Variants in RABL2B observed in about 807,000 individuals in gnomAD.
The protein encoded by RABL2B is rab-like protein 2B.
RABL2B carries 17 observed loss-of-function variants against 26.7 expected under a neutral mutation model. The observed-to-expected ratio is 0.64, with a 90% CI of 0.44 to 0.95. The LOEUF is 0.95. Ranked by LOEUF, RABL2B falls within the 40% of genes least tolerant of loss-of-function variation. The probability of loss-of-function intolerance (pLI) is 0.00; values close to 1 mark genes in which losing one functional copy is unlikely to be tolerated. For missense variants in RABL2B, 170 were observed against 277.2 expected, an observed-to-expected ratio of 0.61 and a Z score of 2.75; for synonymous variants, 70 against 103.9, an observed-to-expected ratio of 0.67 and a Z score of 1.99.
At chr22:50,779,970 G>C (rs1555927304) in intron 2 of RABL2B, among the ~76,000 whole-genome samples, 1 of 152,156 alleles carries the variant, frequency 6.6e-6, no homozygotes, top group Non-Finnish European at 1.5e-5. Context: ...GACAGAGCAA[G>C]ACTCTGTCTC....
At chr22:50,773,736 T>G (rs1374668957) in intron 5 of RABL2B, among the ~76,000 whole-genome samples, 1 of 151,358 alleles carries the variant, frequency 6.6e-6, no homozygotes, top group Non-Finnish European at 1.5e-5. Context: ...CAGCTCCTTC[T>G]GCATCCCCTC....
intron 5 of RABL2B, chr22:50,772,005 T>G (rs2084263177): frequency 6.6e-6 from 1 of 152,176 alleles, no homozygotes; most frequent in Non-Finnish European, 1.5e-5. Flanking sequence ...TATTTTTATT[T>G]ATTTATGTAT....
rs781802224 is a variant in RABL2B, at chr22:50,768,791, G to A, written c.675C>T (p.Ala225=). The A allele has an allele frequency of 6.2e-6, 10 of 1,613,908 alleles. No individual in the cohort carries two copies. In the South Asian group the frequency reaches 8.8e-5, roughly 14 times the overall value. ...CCCCAGCCCCTCAGCTGTGGGGAGA[G>A]GCCGCCTCCTCTGATGGGGTCTCGA... The part of the protein sequence containing the change: ...SSIETPSEEA[A]SPHS Residue 225 remains alanine (A), a synonymous_variant, in exon 9 of 9, where the codon GCC becomes GCT. Coordinates refer to ENST00000691320, the MANE Select transcript of RABL2B (RefSeq NM_001130919.3).
In RABL2B at chr22:50,767,913, C is replaced by G. The variant is rs1193218357; in HGVS notation, c.*863G>C. ...GAGCTCCTGAAACAGAATGGGTACA[C>G]GAAAATCTGGAATGAATAGCTATCT... is the stretch of plus-strand genomic sequence containing the variant. On this transcript the variant is annotated 3_prime_UTR_variant, in exon 9 of 9. Transcript: ENST00000691320. The G allele has an allele frequency of 1.5e-5, 5 of 340,490 alleles. No homozygotes were observed. Among genetic ancestry groups the G allele is most frequent in the Non-Finnish European group, 2.8e-5 (5 of 175,972 alleles). The allele number at this position is 340,490 out of a possible 1,614,324, so 21.1% of individuals were successfully genotyped here.
At chr22:50,778,052 A>G (rs2085260671) in intron 2 of RABL2B, 71 bp from the exon 3 acceptor site, 1 of 1,612,284 alleles carries the variant, frequency 6.2e-7, no homozygotes, top group Non-Finnish European at 8.5e-7. Context: ...TTTTCACCCT[A>G]AGGCTGACAA....
chr22:50,776,262 G>A (rs1239002702), intron 4 of RABL2B, among the ~76,000 whole-genome samples: 12 of 152,300 alleles, frequency 7.9e-5, no homozygotes, highest in African/African-American at 2.6e-4. Context: ...ATTATGACCC[G>A]ATGGAAGGTC....
intron 2 of RABL2B, among the ~76,000 whole-genome samples, chr22:50,780,352 C>T (rs1220547837): frequency 5.3e-5 from 8 of 151,330 alleles, no homozygotes; most frequent in Admixed American, 2.6e-4. Context: ...GAAATGAGGC[C>T]GTGTACAACT....
chr22:50,776,492 T>C (rs1241871907), intron 4 of RABL2B, among the ~76,000 whole-genome samples, 178 bp downstream of exon 4: 1 of 152,242 alleles, frequency 6.6e-6, no homozygotes, highest in East Asian at 1.9e-4. Flanking sequence ...GGCCCCTGCA[T>C]GCCCCCTTCC....
chr22:50,780,048 G>A (rs1189512049), intron 2 of RABL2B, among the ~76,000 whole-genome samples: 1 of 152,104 alleles, frequency 6.6e-6, no homozygotes, highest in Non-Finnish European at 1.5e-5. Flanking sequence ...AAATCTGGTC[G>A]GGTGCAGTGG....
At position 50,768,548 on chromosome 22, in the gene RABL2B, A is replaced by T; in HGVS notation, c.*228T>A. The T allele has an allele frequency of 1.8e-6, 2 of 1,118,980 alleles. No homozygotes were observed. Among genetic ancestry groups the T allele is most frequent in the Non-Finnish European group, 2.5e-6 (2 of 806,122 alleles). The allele number at this position is 1,118,980 out of a possible 1,614,324, so 69.3% of individuals were successfully genotyped here. ...GAAGGTGTTAATGATGCTGATCCCT[A>T]CTTCTGCTTCAAGGAGATCTGGTGG... On this transcript the variant is annotated 3_prime_UTR_variant, in exon 9 of 9. Coordinates refer to ENST00000691320, the MANE Select transcript of RABL2B (RefSeq NM_001130919.3).
intron 5 of RABL2B, chr22:50,771,185 G>C (rs1363215393): frequency 1.3e-5 from 2 of 152,132 alleles, no homozygotes; most frequent in Non-Finnish European, 2.9e-5. Context: ...TGGGACTACA[G>C]GTGTGCGCCA....
chr22:50,768,626 A>G lies in RABL2B; in HGVS notation c.*150T>C, dbSNP rs2146907539. On this transcript the variant is annotated 3_prime_UTR_variant, in exon 9 of 9. Coordinates refer to ENST00000691320, the MANE Select transcript of RABL2B (RefSeq NM_001130919.3). ...CTGGTGCTGACCTCATCCCTGTATCACGGGCCTAGAATGTGGGAGGCTAAT... is the reference window on the plus strand; with the variant it reads ...CTGGTGCTGACCTCATCCCTGTATCGCGGGCCTAGAATGTGGGAGGCTAAT... 6.8e-7 allele frequency: 1 copy of G among 1,473,118 alleles called. No individual in the cohort carries two copies. Among genetic ancestry groups the G allele is most frequent in the South Asian group, 1.4e-5 (1 of 71,014 alleles). 91.3% of individuals were successfully genotyped at this position (1,473,118 alleles called of 1,614,324 possible).
intron 6 of RABL2B, 83 bp from the exon 7 acceptor site, chr22:50,769,635 T>G: frequency 1.3e-6 from 2 of 1,596,792 alleles, no homozygotes; most frequent in Admixed American, 3.4e-5. Context: ...GAGGCCTTCA[T>G]TCCAGAAAGT....
At position 50,769,616 on chromosome 22, in the gene RABL2B, G is replaced by C. The variant is rs537078575; in HGVS notation, c.410-64C>G. 22 of 1,609,648 alleles carry C rather than the reference G, an allele frequency of 1.4e-5. No individual in the cohort carries two copies. The South Asian group carries it at 1.4e-4, about 10-fold the overall frequency. ...GGAAGGGAAGAAGGTTTGGAGGGGG[G>C]GGCCACTGGAGGCCTTCATTCCAGA... On this transcript the variant is annotated intron_variant, in intron 6 of 8. Coordinates refer to ENST00000691320, the MANE Select transcript of RABL2B (RefSeq NM_001130919.3).
At position 50,783,170 on chromosome 22, in the gene RABL2B, G is replaced by A. The variant is rs568387888; in HGVS notation, c.-54+331C>T. 1.5e-3 allele frequency: 249 copies of A among 169,390 alleles called. 1 individual carries two copies. The highest frequency in any genetic ancestry group is 5.8e-3 in the African/African-American group (242 of 41,994). 10.5% of individuals were successfully genotyped at this position (169,390 alleles called of 1,614,324 possible). ...GGCTGGAGTGCGGTGGCGCGATCAC[G>A]GCTCACTGCAGCCTCCAACTCCTGG... On this transcript the variant is annotated intron_variant, in intron 1 of 8. Coordinates refer to ENST00000691320, the MANE Select transcript of RABL2B (RefSeq NM_001130919.3).
Position 50,768,709 on chromosome 22 carries a change from A to G in RABL2B, c.*67T>C, listed in dbSNP as rs2083702471. 4 of 1,507,634 alleles carry G rather than the reference A, an allele frequency of 2.7e-6. No homozygotes were observed. The highest frequency in any genetic ancestry group is 2.7e-5 in the South Asian group (2 of 73,576). 93.4% of individuals were successfully genotyped at this position (1,507,634 alleles called of 1,614,324 possible). On this transcript the variant is annotated 3_prime_UTR_variant, in exon 9 of 9. Transcript: ENST00000691320. ...GATGGCCTAGAGAGTTTCTCCATTC[A>G]GAGCTGGAGAGTTGTTGAAGGGAAG...
Position 50,768,848 on chromosome 22 carries a change from C to T in RABL2B, c.618G>A (p.Glu206=). The T allele has an allele frequency of 1.2e-6, 2 of 1,613,346 alleles. No homozygotes were observed. The highest frequency in any genetic ancestry group is 1.7e-6 in the Non-Finnish European group (2 of 1,179,760). ...TGCTCTGTTCCTGGTCTGGCACGTC[C>T]TCCTCTTCCTGCTCCAAGCTGAAGT... is the stretch of plus-strand genomic sequence containing the variant. ...LENFSLEQEE[E]DVPDQEQSSS... is the part of the protein sequence containing the mutation. The change falls in exon 9 of 9, where the codon GAG becomes GAA. Residue 206 remains glutamate (E), a synonymous_variant. Transcript: ENST00000691320.
chr22:50,773,605 T>C (rs1282627487), intron 5 of RABL2B, among the ~76,000 whole-genome samples: 1 of 151,322 alleles, frequency 6.6e-6, no homozygotes, highest in African/African-American at 2.5e-5. Context: ...GGTGGTGGCA[T>C]TGAAGCAGGG....
chr22:50,778,758 C>T (rs1293980361), intron 2 of RABL2B, among the ~76,000 whole-genome samples: 2 of 144,622 alleles, frequency 1.4e-5, no homozygotes, highest in African/African-American at 2.6e-5. Context: ...CCCAATGTTA[C>T]CTTTACAACT....
Sources: allele counts gnomAD v4.1 joint callset (sites outside exome capture counted in the v4.1 genomes callset), GRCh38; gene constraint gnomAD v4.1.1; transcripts MANE v1.5; gene names NCBI Gene and HGNC (gene_info 2026-07-23, HGNC 2026-07-21).